Variants in DLC1 observed in about 807,000 individuals in gnomAD.
The protein encoded by DLC1 is DLC1 Rho GTPase activating protein.
A neutral mutation model predicts 140.3 loss-of-function variants in DLC1; 54 were observed. The ratio of observed to expected loss-of-function variants is 0.38; its 90% confidence interval spans 0.31 to 0.48. The LOEUF (loss-of-function observed/expected upper bound fraction) is 0.48. DLC1 is among the 20% of genes least tolerant of loss of function. DLC1 has a pLI of 0.96. For synonymous variants in DLC1, 986 were observed against 728.1 expected (o/e 1.35, Z -5.70); for missense variants, 2,536 against 1,907.0 (o/e 1.33, Z -6.14).
At chr8:13,123,175 TGTACAC>T (rs1341825826) in intron 5 of DLC1, among the ~76,000 whole-genome samples, 1 of 152,162 alleles carries the variant, frequency 6.6e-6, no homozygotes, top group Non-Finnish European at 1.5e-5. Flanking sequence ...GAAGTGACCC[TGTACAC>T]GTCACGTTAG....
At chr8:13,596,410 G>T (rs13262161) in intron 1 of DLC1, among the ~76,000 whole-genome samples, 1 of 151,798 alleles carries the variant, frequency 6.6e-6, no homozygotes, top group African/African-American at 2.4e-5. Context: ...TTTTATTTTA[G>T]GTTCTTCCAT....
chr8:13,557,168 G>A (rs1260901358), intron 1 of DLC1, among the ~76,000 whole-genome samples: 1 of 152,038 alleles, frequency 6.6e-6, no homozygotes, highest in African/African-American at 2.4e-5. Flanking sequence ...TCTTCCTCAA[G>A]TGCTTTTACA....
At position 13,110,780 on chromosome 8, in the gene DLC1, A is replaced by G. The variant is rs1212343799; in HGVS notation, c.1464T>C (p.His488=). 1 of 1,614,000 alleles carries G rather than the reference A, an allele frequency of 6.2e-7. No homozygotes were observed. Among genetic ancestry groups the G allele is most frequent in the African/African-American group, 1.3e-5 (1 of 74,920 alleles). Residue 488 remains histidine (H), a synonymous_variant, in exon 7 of 18, where the codon CAT becomes CAC. Coordinates refer to ENST00000276297, the MANE Select transcript of DLC1 (RefSeq NM_182643.3). ...PIDISLVKRE[H]DFLDRDAIEA... is the part of the protein sequence containing the mutation. ...CAATGGCATCTCTGTCCAAAAAATCATGCTCTCTCTTGACCAAGGAAATAT... is the reference window on the plus strand; with the variant it reads ...CAATGGCATCTCTGTCCAAAAAATCGTGCTCTCTCTTGACCAAGGAAATAT...
intron 5 of DLC1, among the ~76,000 whole-genome samples, chr8:13,178,869 C>G (rs1050458460): frequency 3.3e-5 from 5 of 152,090 alleles, no homozygotes; most frequent in African/African-American, 1.2e-4. Context: ...TGGAAAATTA[C>G]TTGGAAGTAT....
At chr8:13,299,412 C>T (rs376325722) in intron 5 of DLC1, among the ~76,000 whole-genome samples, 2 of 149,470 alleles carry the variant, frequency 1.3e-5, no homozygotes, top group African/African-American at 4.9e-5. Flanking sequence ...CGTGTCATTG[C>T]ACTCCAGCCT....
intron 2 of DLC1, among the ~76,000 whole-genome samples, chr8:13,478,446 A>G (rs143687936): frequency 1.3e-5 from 2 of 152,156 alleles, no homozygotes; most frequent in Admixed American, 1.3e-4. Context: ...CACATATTCA[A>G]TCTATGTCAG....
chr8:13,215,534 C>G (rs542465875), intron 5 of DLC1, among the ~76,000 whole-genome samples: 1 of 152,080 alleles, frequency 6.6e-6, no homozygotes, highest in African/African-American at 2.4e-5. Context: ...TTCAGTTAGC[C>G]AAGATCACGC....
At chr8:13,152,441 A>G (rs1405353464) in intron 5 of DLC1, among the ~76,000 whole-genome samples, 1 of 152,216 alleles carries the variant, frequency 6.6e-6, no homozygotes, top group Non-Finnish European at 1.5e-5. Flanking sequence ...CTTTAATTAA[A>G]GCGTCTTTAT....
chr8:13,383,722 G>T (rs538807973), intron 4 of DLC1, among the ~76,000 whole-genome samples: 3 of 152,216 alleles, frequency 2.0e-5, no homozygotes, highest in Non-Finnish European at 4.4e-5. Context: ...ATCGGTGGAA[G>T]TCAGGTGCCA....
intron 1 of DLC1, among the ~76,000 whole-genome samples, chr8:13,535,619 A>G (rs750673233): frequency 7.0e-4 from 105 of 150,704 alleles, no homozygotes; most frequent in Middle Eastern, 3.4e-3. Context: ...TGAAACTGCC[A>G]AAGTGGATGG....
intron 1 of DLC1, among the ~76,000 whole-genome samples, chr8:13,601,444 G>A (rs948348286): frequency 2.0e-5 from 3 of 151,656 alleles, no homozygotes; most frequent in South Asian, 2.1e-4. Context: ...CATAGTTCCC[G>A]GATTGTTAGA....
At chr8:13,400,793 C>T (rs76743327) in intron 3 of DLC1, among the ~76,000 whole-genome samples, 5,188 of 152,048 alleles carry the variant, frequency 0.034, 114 homozygotes, top group South Asian at 0.076. Context: ...CCTAGATCTG[C>T]ACAAACTAAG....
At chr8:13,248,107 A>C (rs923797747) in intron 5 of DLC1, among the ~76,000 whole-genome samples, 1 of 152,220 alleles carries the variant, frequency 6.6e-6, no homozygotes, top group African/African-American at 2.4e-5. Context: ...GCTTTTGCAC[A>C]GGGAAGCTGC....
At chr8:13,250,878 C>T (rs1052303852) in intron 5 of DLC1, among the ~76,000 whole-genome samples, 1 of 151,676 alleles carries the variant, frequency 6.6e-6, no homozygotes, top group Non-Finnish European at 1.5e-5. Flanking sequence ...AATACAAAAG[C>T]AAGAAGGATA....
chr8:13,218,750 C>T (rs1038653702), intron 5 of DLC1, among the ~76,000 whole-genome samples: 21 of 137,246 alleles, frequency 1.5e-4, no homozygotes, highest in East Asian at 4.3e-4. Flanking sequence ...ATCATATGAC[C>T]CACCAATTCT....
chr8:13,421,343 C>T (rs893549020), intron 2 of DLC1, among the ~76,000 whole-genome samples: 3 of 152,008 alleles, frequency 2.0e-5, no homozygotes, highest in African/African-American at 7.2e-5. Flanking sequence ...TACCCAGTAG[C>T]GTCTATGCAC....
chr8:13,526,787 G>A (rs1268758960), intron 1 of DLC1, among the ~76,000 whole-genome samples: 1 of 152,022 alleles, frequency 6.6e-6, no homozygotes, highest in East Asian at 1.9e-4. Flanking sequence ...TTGGGGGACA[G>A]GGGAGGGATA....
chr8:13,238,531 A>AG (rs1585979765), intron 5 of DLC1, among the ~76,000 whole-genome samples: 2 of 151,752 alleles, frequency 1.3e-5, no homozygotes, highest in South Asian at 2.1e-4. Context: ...AAAGAAAGAA[A>AG]AAAAAAAGTG....
chr8:13,554,937 T>C (rs1803988159), intron 1 of DLC1, among the ~76,000 whole-genome samples: 1 of 152,258 alleles, frequency 6.6e-6, no homozygotes, highest in Non-Finnish European at 1.5e-5. Context: ...TTCTCTGCTA[T>C]TAACCTCCAC....
Sources: gnomAD v4.1 joint callset for allele counts (sites outside exome capture counted in the v4.1 genomes callset) on GRCh38, gnomAD v4.1.1 for gene constraint, MANE v1.5 for transcripts, NCBI Gene and HGNC (gene_info 2026-07-23, HGNC 2026-07-21) for gene names.